SLC22A3: variants seen among roughly 807,000 people sequenced by gnomAD.
SLC22A3 encodes the protein solute carrier family 22 member 3.
In SLC22A3, 51 loss-of-function variants were observed where a neutral mutation model predicts 59.1. The observed-to-expected ratio is 0.86, with a 90% CI of 0.69 to 1.09. The LOEUF is 1.09. Ranked by LOEUF, SLC22A3 falls within the 50% of genes least tolerant of loss-of-function variation. The pLI is 0.00. For synonymous variants in SLC22A3, 325 were observed against 292.0 expected, an observed-to-expected ratio of 1.11 and a Z score of -1.15; for missense variants, 711 against 726.3, an observed-to-expected ratio of 0.98 and a Z score of 0.24.
At chr6:160,428,430 G>T (rs932550304) in intron 5 of SLC22A3, among the ~76,000 whole-genome samples, 15 of 152,224 alleles carry the variant, frequency 9.9e-5, no homozygotes, top group African/African-American at 3.6e-4. Context: ...AGCCTCATGT[G>T]CAGTCAAACA....
intron 1 of SLC22A3, among the ~76,000 whole-genome samples, chr6:160,356,898 T>C (rs1784858166): frequency 6.6e-6 from 1 of 152,196 alleles, no homozygotes; most frequent in African/African-American, 2.4e-5. Flanking sequence ...TCTCTTCGTG[T>C]TGGTAATAAA....
intron 5 of SLC22A3, among the ~76,000 whole-genome samples, chr6:160,432,766 C>G (rs1583508573): frequency 6.6e-6 from 1 of 152,170 alleles, no homozygotes; most frequent in Non-Finnish European, 1.5e-5. Flanking sequence ...ATACGGCATA[C>G]TTTTAAACAA....
chr6:160,416,449 A>G (rs2114872472), intron 5 of SLC22A3, among the ~76,000 whole-genome samples: 1 of 150,968 alleles, frequency 6.6e-6, no homozygotes, highest in East Asian at 1.9e-4. Context: ...GCATACGATA[A>G]CTTTTAAGGC....
At chr6:160,417,815 AT>A (rs1389288362) in intron 5 of SLC22A3, among the ~76,000 whole-genome samples, 1 of 152,184 alleles carries the variant, frequency 6.6e-6, no homozygotes, top group Non-Finnish European at 1.5e-5. Flanking sequence ...CACCTCAGCC[AT>A]CACCATGAAG....
At chr6:160,434,639 A>T (rs1788270902) in intron 5 of SLC22A3, among the ~76,000 whole-genome samples, 1 of 152,230 alleles carries the variant, frequency 6.6e-6, no homozygotes, top group Admixed American at 6.5e-5. Context: ...TTGGCAACAA[A>T]CTATACCATA....
intron 1 of SLC22A3, among the ~76,000 whole-genome samples, chr6:160,375,341 C>T (rs963471102): frequency 6.6e-6 from 1 of 152,170 alleles, no homozygotes; most frequent in African/African-American, 2.4e-5. Context: ...TATAAACTGC[C>T]AAGGAGACAC....
At position 160,382,002 on chromosome 6, in the gene SLC22A3, G is replaced by A. The variant is rs114695707; in HGVS notation, c.430-15977G>A. 3.4e-3 allele frequency among the ~76,000 whole-genome samples: 522 copies of A among 152,268 alleles called. 3 individuals carry two copies. Among genetic ancestry groups the A allele is most frequent in the African/African-American group, 9.1e-3 (379 of 41,546 alleles). On this transcript the variant is annotated intron_variant, in intron 1 of 10. Transcript: ENST00000275300. Reference sequence around the variant, plus strand: ...TCATTTATTTTAGAATTATTTTGTAGTCTGAAAGCACATTTCCTATAATTT... The same window carrying A: ...TCATTTATTTTAGAATTATTTTGTAATCTGAAAGCACATTTCCTATAATTT...
chr6:160,447,724 C>T lies in SLC22A3; in HGVS notation c.1516C>T (p.Leu506=), dbSNP rs763967544. ...ACCTTTCCCCTATTCCATAGGTATC[C>T]TGGCATCCATCTGTGGTGGCCTTGT... is the stretch of plus-strand genomic sequence containing the variant. ...LELPLIIFGI[L]ASICGGLVML... is the part of the protein sequence containing the mutation. Residue 506 remains leucine (L), a synonymous_variant, in exon 10 of 11, where the codon CTG becomes TTG. Coordinates refer to ENST00000275300, the MANE Select transcript of SLC22A3 (RefSeq NM_021977.4). 1 of 1,613,906 alleles carries T rather than the reference C, an allele frequency of 6.2e-7. No individual in the cohort carries two copies. Among genetic ancestry groups the T allele is most frequent in the South Asian group, 1.1e-5 (1 of 91,080 alleles).
In SLC22A3 at chr6:160,447,827, C is replaced by G; in HGVS notation, c.1610+9C>G. Reference sequence around the variant, plus strand: ...GTAGAAAAACTTGGCAGGTACTGTACAAAATTCAATGCACCCTAAATAAAA... The same window carrying G: ...GTAGAAAAACTTGGCAGGTACTGTAGAAAATTCAATGCACCCTAAATAAAA... On this transcript the variant is annotated intron_variant, in intron 10 of 10. Coordinates refer to ENST00000275300, the MANE Select transcript of SLC22A3 (RefSeq NM_021977.4). 2 of 1,600,052 alleles carry G rather than the reference C, an allele frequency of 1.2e-6. No individual in the cohort carries two copies. The highest frequency in any genetic ancestry group is 1.7e-6 in the Non-Finnish European group (2 of 1,167,424).
chr6:160,409,106 G>C (rs567231576), intron 4 of SLC22A3, among the ~76,000 whole-genome samples, 185 bp downstream of exon 4: 176 of 122,508 alleles, frequency 1.4e-3, no homozygotes, highest in Middle Eastern at 3.8e-3. Context: ...GTGCCACGCT[G>C]GTGCGCTGCA....
At chr6:160,433,840 T>C (rs1788245716) in intron 5 of SLC22A3, among the ~76,000 whole-genome samples, 1 of 152,202 alleles carries the variant, frequency 6.6e-6, no homozygotes, top group Admixed American at 6.5e-5. Flanking sequence ...GAGAGTGAAT[T>C]TGTTCACACT....
Position 160,443,714 on chromosome 6 carries a change from G to A in SLC22A3, c.1482G>A (p.Val494=). The A allele has an allele frequency of 6.2e-7, 1 of 1,613,202 alleles. No individual in the cohort carries two copies. Among genetic ancestry groups the A allele is most frequent in the Non-Finnish European group, 8.5e-7 (1 of 1,179,418 alleles). ...TTCTGCTCTTTCGGCTAGCAGCCGT[G>A]TGGCTAGAACTACCTCTGATCATCT... ...APFLLFRLAA[V]WLELPLIIFG... Residue 494 remains valine (V), a synonymous_variant, in exon 9 of 11, where the codon GTG becomes GTA. Coordinates refer to ENST00000275300, the MANE Select transcript of SLC22A3 (RefSeq NM_021977.4).
intron 5 of SLC22A3, among the ~76,000 whole-genome samples, chr6:160,421,754 A>C (rs1787749254): frequency 6.6e-6 from 1 of 152,052 alleles, no homozygotes; most frequent in African/African-American, 2.4e-5. Flanking sequence ...AGAAAAGAGG[A>C]GTGAGTTTGC....
intron 2 of SLC22A3, among the ~76,000 whole-genome samples, chr6:160,401,877 T>G (rs1786798773): frequency 6.6e-6 from 1 of 151,844 alleles, no homozygotes; most frequent in East Asian, 1.9e-4. Context: ...AAAGCATGAC[T>G]GATATGCTAA....
At chr6:160,355,347 C>T (rs1009276879) in intron 1 of SLC22A3, among the ~76,000 whole-genome samples, 1 of 152,176 alleles carries the variant, frequency 6.6e-6, no homozygotes, top group African/African-American at 2.4e-5. Context: ...CCTATAGAGG[C>T]TTTTCCCTCT....
At chr6:160,438,819 A>C (rs1225220221) in intron 7 of SLC22A3, among the ~76,000 whole-genome samples, 1 of 152,138 alleles carries the variant, frequency 6.6e-6, no homozygotes, top group Non-Finnish European at 1.5e-5. Context: ...AAGGCATCCA[A>C]GGGTGCTTAT....
intron 2 of SLC22A3, among the ~76,000 whole-genome samples, chr6:160,404,263 A>G (rs907252100): frequency 1.3e-5 from 2 of 152,170 alleles, no homozygotes; most frequent in Middle Eastern, 3.4e-3. Context: ...CAAGGCTAAT[A>G]CACAAAAGTC....
intron 1 of SLC22A3, among the ~76,000 whole-genome samples, chr6:160,364,182 GGAA>G (rs1208025596): frequency 6.6e-6 from 1 of 152,114 alleles, no homozygotes; most frequent in Non-Finnish European, 1.5e-5. Flanking sequence ...GACATATTAA[GGAA>G]GAAGAAGTCT....
intron 5 of SLC22A3, among the ~76,000 whole-genome samples, chr6:160,418,464 G>A (rs1787598251): frequency 6.6e-6 from 1 of 152,140 alleles, no homozygotes; most frequent in African/African-American, 2.4e-5. Flanking sequence ...ACAACCTATC[G>A]TGGGACTTCA....
Sources: allele counts gnomAD v4.1 joint callset (sites outside exome capture counted in the v4.1 genomes callset), GRCh38; gene constraint gnomAD v4.1.1; transcripts MANE v1.5; gene names NCBI Gene and HGNC (gene_info 2026-07-23, HGNC 2026-07-21).